Variants in ATXN1 observed in about 807,000 individuals in gnomAD.
ATXN1 encodes the protein ataxin-1.
In ATXN1, 8 loss-of-function variants were observed where a neutral mutation model predicts 56.4. The ratio of observed to expected loss-of-function variants is 0.14; its 90% confidence interval spans 0.08 to 0.26. The LOEUF (loss-of-function observed/expected upper bound fraction) is 0.26, where lower values mean the gene tolerates loss of function less well. ATXN1 is among the 10% of genes least tolerant of loss of function. The pLI is 1.00. For synonymous variants in ATXN1, 514 were observed against 494.6 expected (o/e 1.04, Z -0.52); for missense variants, 987 against 1,106.5 (o/e 0.89, Z 1.53).
rs1281428040 is a variant in ATXN1 at position 16,327,752 on chromosome 6, G to A, written c.559C>T (p.Leu187=). ...YSTLLANMGS[L]SQTPGHKAEQ... is the part of the protein sequence containing the mutation. ...GCCTTGTGTCCCGGCGTCTGGCTCAGACTGCCCATGTTGGCCAGCAGAGTG... is the reference window on the plus strand; with the variant it reads ...GCCTTGTGTCCCGGCGTCTGGCTCAAACTGCCCATGTTGGCCAGCAGAGTG... Residue 187 remains leucine, a synonymous_variant, in exon 7 of 8, where the codon CTG becomes TTG. Coordinates refer to ENST00000436367, the MANE Select transcript of ATXN1 (RefSeq NM_001128164.2). 2.3e-5 allele frequency: 37 copies of A among 1,608,368 alleles called. No homozygotes were observed. Among genetic ancestry groups the A allele is most frequent in the Non-Finnish European group, 3.1e-5 (36 of 1,179,674 alleles).
intron 1 of ATXN1, among the ~76,000 whole-genome samples, chr6:16,759,995 TACAC>T (rs1023766754): frequency 6.7e-6 from 1 of 149,856 alleles, no homozygotes; most frequent in Non-Finnish European, 1.5e-5. Flanking sequence ...CGCGCACAAA[TACAC>T]ACACACAGTC....
intron 6 of ATXN1, among the ~76,000 whole-genome samples, chr6:16,414,243 G>C (rs1303142773): frequency 6.6e-6 from 1 of 152,132 alleles, no homozygotes; most frequent in Admixed American, 6.5e-5. Context: ...GGGACCTTTG[G>C]TCAGTTCCTC....
At chr6:16,674,950 C>CA (rs1758629126) in intron 2 of ATXN1, among the ~76,000 whole-genome samples, 1 of 152,170 alleles carries the variant, frequency 6.6e-6, no homozygotes, top group African/African-American at 2.4e-5. Context: ...GAATTCTGCT[C>CA]AGACTTTCAA....
chr6:16,526,038 A>AATAT (rs1554113111), intron 4 of ATXN1, among the ~76,000 whole-genome samples: 1 of 86,382 alleles, frequency 1.2e-5, no homozygotes, highest in African/African-American at 8.0e-5. Flanking sequence ...TATAGAAATA[A>AATAT]ATCTATATAT....
chr6:16,339,984 T>C (rs890406875), intron 6 of ATXN1, among the ~76,000 whole-genome samples: 2 of 152,218 alleles, frequency 1.3e-5, no homozygotes, highest in Non-Finnish European at 2.9e-5. Flanking sequence ...GGTTTCACCA[T>C]GTTGGCCAGG....
intron 2 of ATXN1, among the ~76,000 whole-genome samples, chr6:16,690,965 G>A (rs1759032387): frequency 6.6e-6 from 1 of 152,218 alleles, no homozygotes; most frequent in African/African-American, 2.4e-5. Context: ...AACTGAGAAT[G>A]AGACAAAGGA....
chr6:16,330,984 CTTAT>C, intron 6 of ATXN1, among the ~76,000 whole-genome samples: 1 of 152,036 alleles, frequency 6.6e-6, no homozygotes, highest in South Asian at 2.1e-4. Context: ...AGTAATGTCA[CTTAT>C]TTACTCTCGC....
At chr6:16,574,822 C>CTTT (rs60679834) in intron 4 of ATXN1, among the ~76,000 whole-genome samples, 2 of 136,638 alleles carry the variant, frequency 1.5e-5, no homozygotes, top group African/African-American at 2.7e-5. Flanking sequence ...ACCAAACAGG[C>CTTT]TTTTTTTTTT....
At chr6:16,664,298 G>A (rs1217763702) in intron 2 of ATXN1, among the ~76,000 whole-genome samples, 1 of 152,146 alleles carries the variant, frequency 6.6e-6, no homozygotes, top group African/African-American at 2.4e-5. Flanking sequence ...GTTTTTTTAA[G>A]AAAGTCAATC....
intron 2 of ATXN1, among the ~76,000 whole-genome samples, chr6:16,679,280 A>G (rs535372568): frequency 8.3e-4 from 119 of 143,094 alleles, no homozygotes; most frequent in Non-Finnish European, 1.4e-3. Context: ...TAGTGGGTGG[A>G]TGGATGGATG....
At chr6:16,477,545 G>C (rs890889838) in intron 6 of ATXN1, among the ~76,000 whole-genome samples, 5 of 152,308 alleles carry the variant, frequency 3.3e-5, no homozygotes, top group Middle Eastern at 3.4e-3. Context: ...ATGGCTTTCA[G>C]GCCAGACCTG....
chr6:16,458,252 C>T (rs542578446), intron 6 of ATXN1, among the ~76,000 whole-genome samples: 15 of 152,126 alleles, frequency 9.9e-5, no homozygotes, highest in Middle Eastern at 3.2e-3. Context: ...GAACTGGAGT[C>T]GCAAACATCT....
At chr6:16,505,174 G>A (rs144187607) in intron 5 of ATXN1, among the ~76,000 whole-genome samples, 1 of 152,116 alleles carries the variant, frequency 6.6e-6, no homozygotes, top group East Asian at 1.9e-4. Flanking sequence ...TGGTCAGCTG[G>A]ACACCTAGGC....
intron 2 of ATXN1, among the ~76,000 whole-genome samples, chr6:16,660,475 T>A (rs556178706): frequency 4.7e-4 from 72 of 152,338 alleles, no homozygotes; most frequent in Admixed American, 1.9e-3. Flanking sequence ...CAACAACCTA[T>A]AAACAGTGAC....
intron 2 of ATXN1, among the ~76,000 whole-genome samples, chr6:16,678,460 CAGTT>C (rs1758731341): frequency 6.6e-6 from 1 of 152,062 alleles, no homozygotes; most frequent in Admixed American, 6.6e-5. Flanking sequence ...TATTTTCTTA[CAGTT>C]AGTTTGATAT....
chr6:16,328,601 C>T lies in ATXN1; in HGVS notation c.-160-131G>A, dbSNP rs914827469. On this transcript the variant is annotated intron_variant, in intron 6 of 7. Transcript: ENST00000436367. This position sits in a 1 kb window ranked among gnomAD's most constrained non-coding sequence, Gnocchi z 6.2. The stretch of plus-strand genomic sequence containing the variant: ...CAAGATTAAGACTAGGCCCTGGACT[C>T]GGTGTGAACTCCCATAACCCAATCA... 30 of 313,284 alleles carry T rather than the reference C, an allele frequency of 9.6e-5. No individual in the cohort carries two copies. The highest frequency in any genetic ancestry group is 1.3e-4 in the Non-Finnish European group (23 of 178,780). The allele number at this position is 313,284 out of a possible 1,614,324, so 19.4% of individuals were successfully genotyped here.
chr6:16,714,885 T>A (rs1418304563), intron 2 of ATXN1, among the ~76,000 whole-genome samples: 2 of 152,036 alleles, frequency 1.3e-5, no homozygotes, highest in African/African-American at 2.4e-5. Context: ...AGCCACACCA[T>A]TCTATGCCAT....
intron 2 of ATXN1, among the ~76,000 whole-genome samples, chr6:16,730,493 A>ATATATATATATATATATATATATGTG (rs1759949355): frequency 2.1e-5 from 3 of 140,838 alleles, no homozygotes; most frequent in Admixed American, 7.1e-5. Context: ...GTATGTATAT[A>ATATATATATATATATATATATATGTG]TATATATATA....
chr6:16,423,328 A>C lies in ATXN1; in HGVS notation c.-161+62644T>G, dbSNP rs1483993019. Among the ~76,000 whole-genome samples, 3 of 152,200 alleles carry C rather than the reference A, an allele frequency of 2.0e-5. No individual in the cohort carries two copies. In the East Asian group the frequency reaches 5.8e-4, roughly 29 times the overall value. Reference sequence around the variant, plus strand: ...TCCTTCCAGTCACTCCTCTTTACAGAAATCTCCTACATAATTGAGATGCTG... The same window carrying C: ...TCCTTCCAGTCACTCCTCTTTACAGCAATCTCCTACATAATTGAGATGCTG... On this transcript the variant is annotated intron_variant, in intron 6 of 7. Transcript: ENST00000436367.
Sources: gnomAD v4.1 joint callset for allele counts (sites outside exome capture counted in the v4.1 genomes callset) on GRCh38, gnomAD v4.1.1 for gene constraint, Gnocchi (gnomAD v3.1) non-coding constraint, MANE v1.5 for transcripts, NCBI Gene and HGNC (gene_info 2026-07-23, HGNC 2026-07-21) for gene names.